MYO16: variants seen among roughly 807,000 people sequenced by gnomAD.
MYO16 encodes myosin XVI.
In MYO16, 94 loss-of-function variants were observed where a neutral mutation model predicts 205.3. The ratio of observed to expected loss-of-function variants is 0.46; its 90% CI spans 0.39 to 0.54. MYO16 has a LOEUF of 0.54. MYO16 is among the 20% of genes least tolerant of loss of function. The probability of loss-of-function intolerance (pLI) is 0.00; values close to 1 mark genes in which losing one functional copy is unlikely to be tolerated. For missense variants in MYO16, 2,315 were observed against 2,387.5 expected, an observed-to-expected ratio of 0.97 and a Z score of 0.63; for synonymous variants, 988 against 954.0, an observed-to-expected ratio of 1.04 and a Z score of -0.66.
intron 21 of MYO16, among the ~76,000 whole-genome samples, chr13:109,001,924 C>CTT (rs1594459957): frequency 6.6e-6 from 1 of 151,542 alleles, no homozygotes; most frequent in Admixed American, 6.6e-5. Flanking sequence ...TTCCTTCTCT[C>CTT]TCTCTCTGTG....
At chr13:108,624,327 T>A (rs1339740683) in intron 1 of MYO16, among the ~76,000 whole-genome samples, 2 of 152,212 alleles carry the variant, frequency 1.3e-5, no homozygotes, top group Non-Finnish European at 2.9e-5. Flanking sequence ...AATTTTTTTT[T>A]ATCTGCCTAT....
chr13:108,670,519 G>C (rs1183490834), intron 2 of MYO16, among the ~76,000 whole-genome samples: 1 of 152,094 alleles, frequency 6.6e-6, no homozygotes, highest in Non-Finnish European at 1.5e-5. Flanking sequence ...TAACAGTGAG[G>C]GTGTGGAAAA....
At chr13:108,820,305 G>T in intron 7 of MYO16, 32 bp from the exon 8 acceptor site, 2 of 1,498,218 alleles carry the variant, frequency 1.3e-6, no homozygotes, top group South Asian at 1.2e-5. Context: ...CTGCCATGGT[G>T]GTTCCCATTT....
intron 7 of MYO16, among the ~76,000 whole-genome samples, chr13:108,813,101 G>A (rs1156305832): frequency 1.3e-5 from 2 of 152,148 alleles, no homozygotes; most frequent in East Asian, 3.8e-4. Flanking sequence ...GGAGGATTAT[G>A]AGATTTGCGA....
At position 109,053,553 on chromosome 13, in the gene MYO16, A is replaced by C. The variant is rs182520648; in HGVS notation, c.3048+1078A>C. 1.7e-3 allele frequency among the ~76,000 whole-genome samples: 255 copies of C among 152,144 alleles called. 3 individuals are homozygous for C. The highest frequency in any genetic ancestry group is 5.9e-3 in the African/African-American group (244 of 41,530). On this transcript the variant is annotated intron_variant, in intron 25 of 34. Transcript: ENST00000457511. The stretch of plus-strand genomic sequence containing the variant: ...ATCATCCTAAAAATCAAGAGCAAAA[A>C]CCATCACACACTGCTAACCTCAATT...
intron 16 of MYO16, among the ~76,000 whole-genome samples, chr13:108,911,771 G>A (rs778823683): frequency 2.0e-5 from 3 of 152,132 alleles, no homozygotes; most frequent in Non-Finnish European, 2.9e-5. Context: ...GTGGGGAGGT[G>A]GTGTTAGCAC....
At chr13:108,590,152 A>G in the MYO16 span, among the ~76,000 whole-genome samples, 1 of 152,218 alleles carries the variant, frequency 6.6e-6, no homozygotes, top group East Asian at 1.9e-4. Flanking sequence ...TCTAAACAGC[A>G]TATTTCCAGC....
At chr13:108,703,069 T>C (rs1883369718) in intron 2 of MYO16, among the ~76,000 whole-genome samples, 1 of 152,130 alleles carries the variant, frequency 6.6e-6, no homozygotes, top group Non-Finnish European at 1.5e-5. Flanking sequence ...ATGGTAGGCA[T>C]AAATCCTACT....
At chr13:108,897,614 T>C (rs535928188) in intron 14 of MYO16, among the ~76,000 whole-genome samples, 27 of 152,354 alleles carry the variant, frequency 1.8e-4, no homozygotes, top group African/African-American at 6.5e-4. Flanking sequence ...TATTGTAAAA[T>C]GAATTCTGAC....
At chr13:108,795,153 A>G (rs557048107) in intron 6 of MYO16, among the ~76,000 whole-genome samples, 1 of 151,602 alleles carries the variant, frequency 6.6e-6, no homozygotes, top group South Asian at 2.1e-4. Flanking sequence ...CTAACTTCAA[A>G]ATGTTATAGT....
chr13:108,944,592 A>G lies in MYO16; in HGVS notation c.1926-13096A>G, dbSNP rs542793329. ...CTGTTTGAAGTATTTGATACCTTAA[A>G]TGTAATTATTGAAGTTAAGGCATTA... is the stretch of plus-strand genomic sequence containing the variant. On this transcript the variant is annotated intron_variant, in intron 16 of 34. Transcript: ENST00000457511. Among the ~76,000 whole-genome samples the G allele has an allele frequency of 1.6e-4, 25 of 152,324 alleles. No homozygotes were observed. The East Asian group carries it at 4.4e-3, about 27-fold the overall frequency.
intron 7 of MYO16, among the ~76,000 whole-genome samples, chr13:108,817,526 C>CA (rs36046061): frequency 0.88 from 134,383 of 152,174 alleles, 61,666 homozygotes; most frequent in Non-Finnish European, 1. Context: ...CACAGTGGGA[C>CA]GGGGGGAACT....
intron 2 of MYO16, among the ~76,000 whole-genome samples, chr13:108,712,232 T>G (rs1057298294): frequency 6.6e-6 from 1 of 152,238 alleles, no homozygotes; most frequent in Non-Finnish European, 1.5e-5. Context: ...GGAAGGTTAA[T>G]GTGCAAAAGT....
At chr13:109,076,563 G>A (rs932639547) in intron 27 of MYO16, among the ~76,000 whole-genome samples, 1 of 152,118 alleles carries the variant, frequency 6.6e-6, no homozygotes, top group Non-Finnish European at 1.5e-5. Context: ...CCAGTGTATG[G>A]GAATACCATT....
chr13:109,152,796 C>A (rs1025206024), intron 32 of MYO16, among the ~76,000 whole-genome samples: 2 of 152,078 alleles, frequency 1.3e-5, no homozygotes, highest in African/African-American at 4.8e-5. Flanking sequence ...TAACTTCAGG[C>A]AAAATGATAA....
chr13:108,758,740 C>T (rs998500732), intron 4 of MYO16, among the ~76,000 whole-genome samples: 13 of 152,214 alleles, frequency 8.5e-5, no homozygotes, highest in South Asian at 2.1e-4. Flanking sequence ...CCACAAAATA[C>T]GATGTTCATA....
chr13:108,933,937 T>C (rs1028269100), intron 16 of MYO16, among the ~76,000 whole-genome samples: 2 of 152,220 alleles, frequency 1.3e-5, no homozygotes, highest in Admixed American at 1.3e-4. Context: ...GATTTCATTC[T>C]TTTTTATGGC....
At chr13:108,644,233 AC>A (rs540150612) in intron 1 of MYO16, among the ~76,000 whole-genome samples, 1 of 152,208 alleles carries the variant, frequency 6.6e-6, no homozygotes, top group South Asian at 2.1e-4. Flanking sequence ...GGATGCTCCC[AC>A]AGTGTCACTT....
chr13:108,531,621 T>C, the MYO16 span, among the ~76,000 whole-genome samples: 1 of 37,002 alleles, frequency 2.7e-5, no homozygotes, highest in Non-Finnish European at 5.2e-5. Flanking sequence ...GAACATGCTT[T>C]CTAATTTTTT....
Sources: allele counts gnomAD v4.1 joint callset (sites outside exome capture counted in the v4.1 genomes callset), GRCh38; gene constraint gnomAD v4.1.1; transcripts MANE v1.5; gene names NCBI Gene and HGNC (gene_info 2026-07-23, HGNC 2026-07-21).